CCDC179: variants seen among roughly 807,000 people sequenced by gnomAD.
CCDC179 encodes the protein coiled-coil domain containing 179.
A neutral mutation model predicts 12.0 loss-of-function variants in CCDC179; 17 were observed. That is an observed-to-expected ratio of 1.42 (90% CI 0.97 to 2.13). The LOEUF is 2.13. CCDC179 is among the 30% of genes most tolerant of loss of function. The probability of loss-of-function intolerance (pLI) is 0.00; values close to 1 mark genes in which losing one functional copy is unlikely to be tolerated. For missense variants in CCDC179, 83 were observed against 78.6 expected (o/e 1.06, Z -0.21); for synonymous variants, 27 against 26.4 (o/e 1.02, Z -0.07).
intron 3 of CCDC179, 119 bp from the exon 4 acceptor site, chr11:22,847,640 A>G (rs1170901581): frequency 1.8e-5 from 8 of 453,822 alleles, no homozygotes; most frequent in Non-Finnish European, 2.9e-5. Flanking sequence ...TTCATACAAG[A>G]AGTATTATAA....
At chr11:22,848,534 C>T (rs750312771) in intron 3 of CCDC179, among the ~76,000 whole-genome samples, 10 of 152,138 alleles carry the variant, frequency 6.6e-5, no homozygotes, top group Non-Finnish European at 1.0e-4. Context: ...CTTCATCGCA[C>T]GTCCTCTGTT....
At chr11:22,857,718 C>G (rs1015893536) in intron 3 of CCDC179, among the ~76,000 whole-genome samples, 5 of 151,696 alleles carry the variant, frequency 3.3e-5, no homozygotes, top group Admixed American at 1.3e-4. Context: ...AGATAATCCT[C>G]TTTTCATTAA....
intron 3 of CCDC179, among the ~76,000 whole-genome samples, chr11:22,849,870 GAA>G (rs908670307): frequency 6.6e-6 from 1 of 152,168 alleles, no homozygotes; most frequent in African/African-American, 2.4e-5. Context: ...ATAGGAGGAA[GAA>G]AGAGACTGGA....
At chr11:22,853,073 CA>C (rs1564915758) in intron 3 of CCDC179, among the ~76,000 whole-genome samples, 1 of 152,178 alleles carries the variant, frequency 6.6e-6, no homozygotes, top group African/African-American at 2.4e-5. Flanking sequence ...AAAACTGAAT[CA>C]GGGGAAATTT....
chr11:22,850,963 TATATATA>T (rs1487073702), intron 3 of CCDC179, among the ~76,000 whole-genome samples: 11 of 19,748 alleles, frequency 5.6e-4, no homozygotes, highest in African/African-American at 1.7e-3. Context: ...TATATATATA[TATATATA>T]TATATATTTT....
intron 1 of CCDC179, among the ~76,000 whole-genome samples, chr11:22,859,773 T>A (rs1159127982): frequency 6.6e-6 from 1 of 152,124 alleles, no homozygotes; most frequent in East Asian, 1.9e-4. Context: ...TATAGAGATA[T>A]ATTCGGGAGG....
rs376300924 is a variant in CCDC179, at chr11:22,856,320, A to C, written c.195+1602T>G. ...ACATGTGTAAAAATAATTATACACA[A>C]TCTGAGACTTATCCCAAGAATGTAA... On this transcript the variant is annotated intron_variant, in intron 3 of 3. Transcript: ENST00000532798. 1.0e-3 allele frequency among the ~76,000 whole-genome samples: 159 copies of C among 151,698 alleles called. No individual in the cohort carries two copies. In the Middle Eastern group the frequency reaches 0.024, roughly 23 times the overall value.
intron 2 of CCDC179, among the ~76,000 whole-genome samples, chr11:22,858,664 T>C (rs563106049): frequency 5.0e-4 from 76 of 152,094 alleles, no homozygotes; most frequent in Admixed American, 1.1e-3. Flanking sequence ...AGTGTGGCAC[T>C]ACTTTCTAAC....
At chr11:22,850,965 TATATATATA>T (rs1431180480) in intron 3 of CCDC179, among the ~76,000 whole-genome samples, 28 of 22,584 alleles carry the variant, frequency 1.2e-3, no homozygotes, top group African/African-American at 3.3e-3. Context: ...TATATATATA[TATATATATA>T]TATTTTTTTT....
chr11:22,854,635 A>G (rs1481787495), intron 3 of CCDC179, among the ~76,000 whole-genome samples: 1 of 151,822 alleles, frequency 6.6e-6, no homozygotes, highest in Non-Finnish European at 1.5e-5. Context: ...TCAAAACTAG[A>G]GAATGCAGAA....
In CCDC179 at chr11:22,846,987, A is replaced by G. The variant is rs2134820046; in HGVS notation, c.*523T>C. On this transcript the variant is annotated 3_prime_UTR_variant, in exon 4 of 4. Coordinates refer to ENST00000532798, the MANE Select transcript of CCDC179 (RefSeq NM_001195637.2). ...AAAGTAAAATTTTAATTCAATATTC[A>G]AATTTTACCTTAAATGGAAATTTTA... is the stretch of plus-strand genomic sequence containing the variant. 1 of 152,228 alleles carries G rather than the reference A, an allele frequency of 6.6e-6. No individual in the cohort carries two copies. The highest frequency in any genetic ancestry group is 1.9e-4 in the East Asian group (1 of 5,186). The allele number at this position is 152,228 out of a possible 1,614,324, so 9.4% of individuals were successfully genotyped here.
intron 3 of CCDC179, among the ~76,000 whole-genome samples, chr11:22,856,783 A>T (rs975691954): frequency 6.6e-6 from 1 of 151,618 alleles, no homozygotes; most frequent in Non-Finnish European, 1.5e-5. Context: ...AATAACAATA[A>T]AAAACAAACA....
intron 3 of CCDC179, among the ~76,000 whole-genome samples, chr11:22,849,937 G>A (rs960732330): frequency 1.3e-5 from 2 of 152,134 alleles, no homozygotes; most frequent in African/African-American, 2.4e-5. Flanking sequence ...AAGACGGGCC[G>A]GTGGTGGAGG....
At chr11:22,847,544 A>G (rs749675791) in intron 3 of CCDC179, 23 bp from the exon 4 acceptor site, 7 of 1,270,666 alleles carry the variant, frequency 5.5e-6, no homozygotes, top group South Asian at 5.4e-5. Flanking sequence ...AAAATACACA[A>G]AGAATAAGAA....
At position 22,857,994 on chromosome 11, in the gene CCDC179, G is replaced by GTGT; in HGVS notation, c.120_122dup (p.Gln40dup). 1 of 1,522,572 alleles carries GTGT rather than the reference G, an allele frequency of 6.6e-7. No individual in the cohort carries two copies. The highest frequency in any genetic ancestry group is 2.1e-5 in the Admixed American group (1 of 48,698). 94.3% of individuals were successfully genotyped at this position (1,522,572 alleles called of 1,614,324 possible). A position where few individuals can be genotyped will look rare whatever the true frequency, so the allele number is the denominator to read the frequency against. On this transcript the variant is annotated inframe_insertion, in exon 3 of 4. Coordinates refer to ENST00000532798, the MANE Select transcript of CCDC179 (RefSeq NM_001195637.2). ...TCAGTCTCCTCTTCTCTTTCTTTAG[G>GTGT]TGTTGCATATTCTGAATACGTTTAT...
intron 3 of CCDC179, among the ~76,000 whole-genome samples, chr11:22,850,307 T>A (rs773162710): frequency 1.3e-5 from 2 of 152,236 alleles, no homozygotes; most frequent in African/African-American, 2.4e-5. Flanking sequence ...ACTATCTGCC[T>A]AAGTAATTTC....
chr11:22,854,586 A>C (rs1469851844), intron 3 of CCDC179, among the ~76,000 whole-genome samples: 2 of 151,826 alleles, frequency 1.3e-5, no homozygotes, highest in Non-Finnish European at 3.0e-5. Flanking sequence ...TATAATTGAC[A>C]TGCTAAGACA....
In CCDC179 at chr11:22,860,372, C is replaced by T. The variant is rs1182988607; in HGVS notation, c.45+5G>A. On this transcript the variant is annotated splice_donor_5th_base_variant and intron_variant, in intron 1 of 3. Coordinates refer to ENST00000532798, the MANE Select transcript of CCDC179 (RefSeq NM_001195637.2). ...AGTTGAGGTTGTAGGCCCCAGCAGA[C>T]TCACAGGGTTGACTTGGGAAGGCTC... 3 of 1,535,568 alleles carry T rather than the reference C, an allele frequency of 2.0e-6. No homozygotes were observed. The highest frequency in any genetic ancestry group is 2.6e-6 in the Non-Finnish European group (3 of 1,146,630).
chr11:22,847,499 C>T lies in CCDC179; in HGVS notation c.*11G>A, dbSNP rs985487510. On this transcript the variant is annotated 3_prime_UTR_variant, in exon 4 of 4. Transcript: ENST00000532798. ...TGGAGCATGGTTTCCTTCAAATAGACTCCTGCTTTATCAAGATGACCACTA... is the reference window on the plus strand; with the variant it reads ...TGGAGCATGGTTTCCTTCAAATAGATTCCTGCTTTATCAAGATGACCACTA... 35 of 1,433,628 alleles carry T rather than the reference C, an allele frequency of 2.4e-5. No homozygotes were observed. Among genetic ancestry groups the T allele is most frequent in the Middle Eastern group, 1.8e-4 (1 of 5,500 alleles). The allele number at this position is 1,433,628 out of a possible 1,614,324, so 88.8% of individuals were successfully genotyped here.
Sources: allele counts gnomAD v4.1 joint callset (sites outside exome capture counted in the v4.1 genomes callset), GRCh38; gene constraint gnomAD v4.1.1; transcripts MANE v1.5; gene names NCBI Gene and HGNC (gene_info 2026-07-23, HGNC 2026-07-21).